Variants in GHR observed in about 807,000 individuals in gnomAD.
GHR encodes the protein growth hormone receptor, also known as GH receptor.
In GHR, 35 loss-of-function variants were observed where a neutral mutation model predicts 67.1. The ratio of observed to expected loss-of-function variants is 0.52; its 90% CI spans 0.40 to 0.69. The LOEUF (loss-of-function observed/expected upper bound fraction) is 0.69, where lower values mean the gene tolerates loss of function less well. GHR is among the 30% of genes least tolerant of loss of function. The pLI is 0.00. For missense variants in GHR, 792 were observed against 764.6 expected (o/e 1.04, Z -0.42); for synonymous variants, 272 against 269.1 (o/e 1.01, Z -0.10).
chr5:42,537,711 GT>G (rs1276374860), intron 1 of GHR, among the ~76,000 whole-genome samples: 12 of 152,022 alleles, frequency 7.9e-5, no homozygotes, highest in African/African-American at 2.7e-4. Context: ...TTGTTTCTTT[GT>G]TGTCTTTTTG....
chr5:42,449,454 T>C (rs1217778180), intron 1 of GHR, among the ~76,000 whole-genome samples: 1 of 152,228 alleles, frequency 6.6e-6, no homozygotes, highest in Admixed American at 6.5e-5. Flanking sequence ...TGTTGGTGTA[T>C]AGCAATGCTA....
intron 3 of GHR, among the ~76,000 whole-genome samples, chr5:42,633,106 A>G (rs1754009196): frequency 6.6e-6 from 1 of 152,206 alleles, no homozygotes; most frequent in African/African-American, 2.4e-5. Context: ...AAAAAATTAG[A>G]TGATTGCACA....
intron 2 of GHR, among the ~76,000 whole-genome samples, chr5:42,581,050 C>T (rs1374029016): frequency 6.6e-6 from 1 of 152,212 alleles, no homozygotes; most frequent in Non-Finnish European, 1.5e-5. Context: ...TCTTGATTGC[C>T]ATTACAAATC....
chr5:42,473,186 T>C (rs1745085393), intron 1 of GHR, among the ~76,000 whole-genome samples: 1 of 152,106 alleles, frequency 6.6e-6, no homozygotes, highest in Non-Finnish European at 1.5e-5. Context: ...CAGTAGAATA[T>C]GTAGTTTAAC....
At chr5:42,689,241 C>G (rs919414926) in intron 4 of GHR, among the ~76,000 whole-genome samples, 1 of 152,140 alleles carries the variant, frequency 6.6e-6, no homozygotes. Flanking sequence ...AAGACAAAAT[C>G]CCTGGTCTCA....
chr5:42,644,458 G>C (rs1754630966), intron 3 of GHR, among the ~76,000 whole-genome samples: 1 of 152,090 alleles, frequency 6.6e-6, no homozygotes, highest in African/African-American at 2.4e-5. Context: ...TATGTAATAA[G>C]AAGAGAGAGG....
At chr5:42,536,807 G>A (rs764498984) in intron 1 of GHR, among the ~76,000 whole-genome samples, 16 of 151,918 alleles carry the variant, frequency 1.1e-4, no homozygotes, top group East Asian at 1.9e-4. Flanking sequence ...GCTTTTTGTC[G>A]GTAAGCCTTT....
chr5:42,638,800 G>A lies in GHR; in HGVS notation c.136+9697G>A, dbSNP rs113408188. ...TTTAATGGTTTGTATGTTTGTGCTT[G>A]CATTCATAAATATTAAACTGTTACA... On this transcript the variant is annotated intron_variant, in intron 3 of 9. Coordinates refer to ENST00000230882, the MANE Select transcript of GHR (RefSeq NM_000163.5). Among the ~76,000 whole-genome samples, 312 of 152,192 alleles carry A rather than the reference G, an allele frequency of 2.1e-3. 4 individuals are homozygous for A. The highest frequency in any genetic ancestry group is 5.6e-3 in the African/African-American group (232 of 41,490).
chr5:42,610,472 T>A (rs1052740212), intron 2 of GHR, among the ~76,000 whole-genome samples: 1 of 152,114 alleles, frequency 6.6e-6, no homozygotes, highest in Non-Finnish European at 1.5e-5. Context: ...TTTCTCAAGA[T>A]GTTGTGATTC....
chr5:42,536,566 T>C (rs1473197925), intron 1 of GHR, among the ~76,000 whole-genome samples: 1 of 152,154 alleles, frequency 6.6e-6, no homozygotes, highest in Non-Finnish European at 1.5e-5. Flanking sequence ...TTCAGTTAGC[T>C]AGTATTTTGT....
intron 2 of GHR, among the ~76,000 whole-genome samples, chr5:42,617,229 T>C (rs544817469): frequency 6.6e-6 from 1 of 151,164 alleles, no homozygotes; most frequent in South Asian, 2.1e-4. Flanking sequence ...TTTTTGTACA[T>C]GCTCATTCCC....
chr5:42,479,774 C>A (rs1745529766), intron 1 of GHR, among the ~76,000 whole-genome samples: 1 of 152,212 alleles, frequency 6.6e-6, no homozygotes, highest in Non-Finnish European at 1.5e-5. Flanking sequence ...ATTATTCTCT[C>A]TTTTCTTCTT....
intron 1 of GHR, among the ~76,000 whole-genome samples, chr5:42,530,893 A>G (rs1365602689): frequency 6.6e-6 from 1 of 152,222 alleles, no homozygotes; most frequent in African/African-American, 2.4e-5. Flanking sequence ...TGACATGCCG[A>G]AGAAATATAC....
At chr5:42,639,683 CAGA>C (rs962071019) in intron 3 of GHR, among the ~76,000 whole-genome samples, 3 of 152,190 alleles carry the variant, frequency 2.0e-5, no homozygotes, top group Non-Finnish European at 4.4e-5. Flanking sequence ...CTTACTCTGA[CAGA>C]AGTTTTTCTT....
intron 1 of GHR, among the ~76,000 whole-genome samples, chr5:42,519,198 C>T (rs1428237726): frequency 1.3e-5 from 2 of 152,198 alleles, no homozygotes; most frequent in African/African-American, 4.8e-5. Flanking sequence ...GAAATATCTC[C>T]TTTGGGCTTG....
intron 1 of GHR, chr5:42,468,286 G>A (rs1744827941): frequency 6.4e-7 from 1 of 1,574,742 alleles, no homozygotes; most frequent in Non-Finnish European, 8.7e-7. Context: ...TGGGCGGCAT[G>A]GGCCTAGGGC....
At chr5:42,580,197 CTG>C (rs1240392598) in intron 2 of GHR, among the ~76,000 whole-genome samples, 2 of 152,120 alleles carry the variant, frequency 1.3e-5, no homozygotes, top group African/African-American at 2.4e-5. Context: ...ACTTAAAAAA[CTG>C]TAATTTAATG....
Position 42,676,657 on chromosome 5 carries a change from T to A in GHR, c.137-12233T>A, listed in dbSNP as rs985611723. Among the ~76,000 whole-genome samples the A allele has an allele frequency of 2.0e-5, 3 of 152,290 alleles. No individual in the cohort carries two copies. The East Asian group carries it at 5.8e-4, about 29-fold the overall frequency. On this transcript the variant is annotated intron_variant, in intron 3 of 9. Coordinates refer to ENST00000230882, the MANE Select transcript of GHR (RefSeq NM_000163.5). ...ATGCATTATTTATAGGGAAGTTCAG[T>A]TACTTTTAACAATAAAGACAAGCCA...
intron 1 of GHR, among the ~76,000 whole-genome samples, chr5:42,558,062 C>G (rs1749407948): frequency 6.6e-6 from 1 of 152,130 alleles, no homozygotes; most frequent in South Asian, 2.1e-4. Flanking sequence ...CAAATCATGA[C>G]CCTTTTTTTA....
Sources: allele counts gnomAD v4.1 joint callset (sites outside exome capture counted in the v4.1 genomes callset), GRCh38; gene constraint gnomAD v4.1.1; transcripts MANE v1.5; gene names NCBI Gene and HGNC (gene_info 2026-07-23, HGNC 2026-07-21).